Variants in FTO observed in about 807,000 individuals in gnomAD.
FTO encodes alpha-ketoglutarate-dependent dioxygenase FTO.
In FTO, 47 loss-of-function variants were observed where a neutral mutation model predicts 63.9. The ratio of observed to expected loss-of-function variants is 0.74; its 90% CI spans 0.58 to 0.94. The LOEUF (loss-of-function observed/expected upper bound fraction) is 0.94, where lower values mean the gene tolerates loss of function less well. Among genes scored for constraint, FTO ranks in the 40% least tolerant of loss-of-function variants. The pLI is 0.00. For synonymous variants in FTO, 207 were observed against 224.4 expected, an observed-to-expected ratio of 0.92 and a Z score of 0.69; for missense variants, 562 against 618.1, an observed-to-expected ratio of 0.91 and a Z score of 0.96.
chr16:53,960,725 G>T (rs972448617), intron 8 of FTO, among the ~76,000 whole-genome samples: 1 of 150,764 alleles, frequency 6.6e-6, no homozygotes, highest in Non-Finnish European at 1.5e-5. Flanking sequence ...GGTGGGGGGG[G>T]CGCGGTTACC....
At chr16:53,765,047 C>T (rs980475305) in intron 1 of FTO, among the ~76,000 whole-genome samples, 6 of 151,982 alleles carry the variant, frequency 3.9e-5, no homozygotes, top group African/African-American at 9.7e-5. Flanking sequence ...TACCTCTGAT[C>T]GTAATACTTC....
chr16:53,845,842 T>A (rs56800036), intron 4 of FTO, among the ~76,000 whole-genome samples: 56,229 of 151,914 alleles, frequency 0.37, 10,519 homozygotes, highest in South Asian at 0.45. Context: ...TTATGTAGGG[T>A]CTCTTTCAAA....
intron 4 of FTO, among the ~76,000 whole-genome samples, chr16:53,868,989 G>A (rs373215144): frequency 1.4e-3 from 210 of 151,924 alleles, no homozygotes; most frequent in African/African-American, 4.8e-3. Flanking sequence ...GTGCCACTGC[G>A]CCCACCTGAT....
intron 8 of FTO, among the ~76,000 whole-genome samples, chr16:54,102,120 C>T (rs2086654132): frequency 6.6e-6 from 1 of 152,150 alleles, no homozygotes; most frequent in Non-Finnish European, 1.5e-5. Flanking sequence ...CATCTGTTTA[C>T]TCTGTTGATA....
intron 8 of FTO, among the ~76,000 whole-genome samples, chr16:53,975,797 C>T (rs775778159): frequency 6.6e-6 from 1 of 152,070 alleles, no homozygotes; most frequent in Admixed American, 6.6e-5. Context: ...ATGTGGCTCA[C>T]CCAAGCAATG....
chr16:54,009,264 A>T (rs1022543206), intron 8 of FTO, among the ~76,000 whole-genome samples: 4 of 152,184 alleles, frequency 2.6e-5, no homozygotes, highest in Non-Finnish European at 5.9e-5. Flanking sequence ...TGCAGGAAAT[A>T]TAGTAATAGA....
chr16:53,889,287 A>T lies in FTO; in HGVS notation c.1239+336A>T, dbSNP rs544058622. ...CTGTTTTCTCAGTATTAACTTTAAA[A>T]AATTTTTACAGCAATGCTAAGAGGT... On this transcript the variant is annotated intron_variant, in intron 7 of 8. Transcript: ENST00000471389. 2.6e-5 allele frequency among the ~76,000 whole-genome samples: 4 copies of T among 152,348 alleles called. No homozygotes were observed. In the South Asian group the frequency reaches 8.3e-4, roughly 32 times the overall value.
At chr16:54,033,423 T>A (rs755621241) in intron 8 of FTO, among the ~76,000 whole-genome samples, 3 of 152,192 alleles carry the variant, frequency 2.0e-5, no homozygotes, top group Non-Finnish European at 2.9e-5. Flanking sequence ...ATAAAAACAC[T>A]GTACCTTTTG....
intron 8 of FTO, among the ~76,000 whole-genome samples, chr16:54,026,588 A>G (rs1489561997): frequency 6.6e-6 from 1 of 152,186 alleles, no homozygotes; most frequent in Non-Finnish European, 1.5e-5. Context: ...GGAAGAATGG[A>G]TGTTAGGAAG....
chr16:53,939,893 A>G (rs2143360940), intron 8 of FTO, among the ~76,000 whole-genome samples: 1 of 152,254 alleles, frequency 6.6e-6, no homozygotes, highest in African/African-American at 2.4e-5. Context: ...TTGGACAGTA[A>G]TAAATTGATG....
chr16:53,916,334 GTC>G (rs1365774380), intron 7 of FTO, among the ~76,000 whole-genome samples: 4 of 152,046 alleles, frequency 2.6e-5, no homozygotes, highest in Admixed American at 2.6e-4. Flanking sequence ...ATATGCTTGG[GTC>G]TCTCTGTGTT....
intron 8 of FTO, among the ~76,000 whole-genome samples, chr16:53,987,578 G>A (rs536115437): frequency 1.1e-4 from 12 of 109,172 alleles, no homozygotes; most frequent in African/African-American, 3.1e-4. Flanking sequence ...GAAAGACTCT[G>A]TCTCAAAAAA....
chr16:54,091,248 C>T lies in FTO; in HGVS notation c.1365-20514C>T, dbSNP rs80166076. Reference sequence around the variant, plus strand: ...CCAACAGATAATATCTAAAATTAATCGATCAAGAAATGGTATGCCGGTACA... The same window carrying T: ...CCAACAGATAATATCTAAAATTAATTGATCAAGAAATGGTATGCCGGTACA... On this transcript the variant is annotated intron_variant, in intron 8 of 8. Transcript: ENST00000471389. Among the ~76,000 whole-genome samples the T allele has an allele frequency of 1.8e-3, 276 of 152,228 alleles. 1 individual carries two copies. Among genetic ancestry groups the T allele is most frequent in the African/African-American group, 6.5e-3 (270 of 41,542 alleles).
intron 8 of FTO, among the ~76,000 whole-genome samples, chr16:54,086,798 A>C (rs2086262751): frequency 6.6e-6 from 1 of 152,248 alleles, no homozygotes; most frequent in Non-Finnish European, 1.5e-5. Flanking sequence ...AAATGGAATT[A>C]AAGTTAAATG....
At chr16:53,851,185 C>T (rs13332469) in intron 4 of FTO, among the ~76,000 whole-genome samples, 4,399 of 151,498 alleles carry the variant, frequency 0.029, 218 homozygotes, top group African/African-American at 0.1. Flanking sequence ...CGGTGGCTCA[C>T]GCCTGTAATC....
chr16:53,876,163 G>A (rs1162093851), intron 5 of FTO, among the ~76,000 whole-genome samples: 1 of 152,034 alleles, frequency 6.6e-6, no homozygotes, highest in Non-Finnish European at 1.5e-5. Context: ...TTTCTCCTCA[G>A]GCCAACCAGC....
chr16:53,835,976 T>C (rs2111647), intron 3 of FTO, among the ~76,000 whole-genome samples: 78,556 of 150,940 alleles, frequency 0.52, 21,921 homozygotes, highest in East Asian at 0.9. Context: ...CTGCAACCTC[T>C]GCCTCCCAGG....
In FTO at chr16:53,826,006, A is replaced by T; in HGVS notation, c.266A>T (p.Asp89Val). The change falls in exon 3 of 9, where the codon GAT becomes GTT. Residue 89 changes from aspartate to valine, a missense_variant. By Grantham distance (152) the Asp-to-Val change is radical. Coordinates refer to ENST00000471389, the MANE Select transcript of FTO (RefSeq NM_001080432.3). Reference sequence around the variant, plus strand: ...GACCTGGTTAGGATCCAAGGCAAAGATCTGCTCACTCCGGTATCTCGCATC... The same window carrying T: ...GACCTGGTTAGGATCCAAGGCAAAGTTCTGCTCACTCCGGTATCTCGCATC... ...FRDLVRIQGK[D>V]LLTPVSRILI... is the part of the protein sequence containing the mutation. 1 of 1,614,198 alleles carries T rather than the reference A, an allele frequency of 6.2e-7. No individual in the cohort carries two copies. Among genetic ancestry groups the T allele is most frequent in the South Asian group, 1.1e-5 (1 of 91,090 alleles).
chr16:53,939,263 G>A (rs1313723273), intron 8 of FTO, among the ~76,000 whole-genome samples: 1 of 152,138 alleles, frequency 6.6e-6, no homozygotes, highest in Non-Finnish European at 1.5e-5. Flanking sequence ...GGGGCATTTC[G>A]AGTGAGCAGA....
Sources: allele counts gnomAD v4.1 joint callset (sites outside exome capture counted in the v4.1 genomes callset), GRCh38; gene constraint gnomAD v4.1.1; transcripts MANE v1.5; gene names NCBI Gene and HGNC (gene_info 2026-07-23, HGNC 2026-07-21).